RNF144A: variants seen among roughly 807,000 people sequenced by gnomAD.
RNF144A encodes the protein E3 ubiquitin-protein ligase RNF144A.
RNF144A carries 11 observed loss-of-function variants against 38.7 expected under a neutral mutation model. That is an observed-to-expected ratio of 0.28 (90% CI 0.18 to 0.47). The LOEUF is 0.47. Ranked by LOEUF, RNF144A falls within the 20% of genes least tolerant of loss-of-function variation. The probability of loss-of-function intolerance (pLI) is 0.99; values close to 1 mark genes in which losing one functional copy is unlikely to be tolerated. For missense variants in RNF144A, 316 were observed against 377.2 expected, an observed-to-expected ratio of 0.84 and a Z score of 1.34; for synonymous variants, 149 against 143.9, an observed-to-expected ratio of 1.04 and a Z score of -0.25.
chr2:7,007,513 CA>C (rs1670525104), intron 3 of RNF144A, among the ~76,000 whole-genome samples: 3 of 152,234 alleles, frequency 2.0e-5, no homozygotes, highest in Non-Finnish European at 1.5e-5. Flanking sequence ...ACACTCATTT[CA>C]CCTCCATTAA....
At chr2:6,957,838 A>G (rs539158435) in intron 2 of RNF144A, among the ~76,000 whole-genome samples, 13 of 152,320 alleles carry the variant, frequency 8.5e-5, no homozygotes, top group African/African-American at 3.1e-4. Context: ...TTCCAATCTT[A>G]GCACTCTATA....
downstream of RNF144A, among the ~76,000 whole-genome samples, chr2:7,046,573 A>T (rs115039740): frequency 1.3e-5 from 2 of 152,258 alleles, no homozygotes; most frequent in Non-Finnish European, 2.9e-5. Flanking sequence ...TAAGTTGCTC[A>T]TGCAGTTCCA....
At chr2:6,975,723 G>A (rs1179022838) in intron 2 of RNF144A, among the ~76,000 whole-genome samples, 1 of 152,188 alleles carries the variant, frequency 6.6e-6, no homozygotes, top group East Asian at 1.9e-4. Flanking sequence ...CTACTTGGGA[G>A]GCTGAGGTGG....
rs908846 is a variant in RNF144A, at chr2:6,962,436, C to T, written c.-12+21289C>T. 0.45 allele frequency among the ~76,000 whole-genome samples: 67,939 copies of T among 151,730 alleles called. 15,311 individuals carry two copies. Among genetic ancestry groups the T allele is most frequent in the Admixed American group, 0.51 (7,715 of 15,234 alleles). ...CTTATTTATGTTTGCAGCTCCATTT[C>T]TCAGGCTGTTCTTTGTTACAAGAGA... On this transcript the variant is annotated intron_variant, in intron 2 of 8. Transcript: ENST00000320892. The surrounding 1 kb of genome is among the most constrained non-coding windows in gnomAD (Gnocchi z 4.1).
chr2:7,069,595 T>C (rs889048227), downstream of RNF144A, among the ~76,000 whole-genome samples: 2 of 152,238 alleles, frequency 1.3e-5, no homozygotes, highest in Non-Finnish European at 2.9e-5. Context: ...CTGCCTCTTT[T>C]GTTCTTATTC....
In RNF144A at chr2:6,937,892, G is replaced by A. The variant is rs374985928; in HGVS notation, c.-211-3056G>A. Among the ~76,000 whole-genome samples, 13 of 152,320 alleles carry A rather than the reference G, an allele frequency of 8.5e-5. No homozygotes were observed. The East Asian group carries it at 1.7e-3, about 20-fold the overall frequency. On this transcript the variant is annotated intron_variant, in intron 1 of 8. Transcript: ENST00000320892. ...CAATGCTTGCTATTTTAGTAAAGGAGCAGTAACGAGGGAATATCTACCAAA... is the reference window on the plus strand; with the variant it reads ...CAATGCTTGCTATTTTAGTAAAGGAACAGTAACGAGGGAATATCTACCAAA...
At chr2:7,063,949 A>G in intron 6 of RNF144A, among the ~76,000 whole-genome samples, 1 of 152,206 alleles carries the variant, frequency 6.6e-6, no homozygotes, top group East Asian at 1.9e-4. Context: ...GGGGCTGGGA[A>G]GTCCAAGAGC....
At chr2:6,976,869 A>G (rs980913646) in intron 2 of RNF144A, among the ~76,000 whole-genome samples, 3 of 152,106 alleles carry the variant, frequency 2.0e-5, no homozygotes, top group Non-Finnish European at 4.4e-5. Flanking sequence ...ATGTCATTCT[A>G]TAATACATAT....
Position 7,014,574 on chromosome 2 carries a change from C to A in RNF144A, c.240+16C>A. The A allele has an allele frequency of 6.3e-7, 1 of 1,576,050 alleles. No homozygotes were observed. Among genetic ancestry groups the A allele is most frequent in the Non-Finnish European group, 8.7e-7 (1 of 1,154,486 alleles). Reference sequence around the variant, plus strand: ...GGAGAACGAGGCATGTGCAATTGAACAGACTGGGCTGTTTGATGTGCACAG... The same window carrying A: ...GGAGAACGAGGCATGTGCAATTGAAAAGACTGGGCTGTTTGATGTGCACAG... On this transcript the variant is annotated intron_variant, in intron 4 of 8. Coordinates refer to ENST00000320892, the MANE Select transcript of RNF144A (RefSeq NM_014746.6).
intron 2 of RNF144A, among the ~76,000 whole-genome samples, chr2:6,946,238 C>T (rs1366433608): frequency 6.6e-6 from 1 of 152,198 alleles, no homozygotes; most frequent in African/African-American, 2.4e-5. Context: ...AATATCGTGC[C>T]TGCTCTCAGA....
intron 6 of RNF144A, among the ~76,000 whole-genome samples, chr2:7,049,804 A>G (rs980495013): frequency 1.3e-5 from 2 of 152,198 alleles, no homozygotes; most frequent in Non-Finnish European, 2.9e-5. Context: ...GTTCCAACAA[A>G]GTGAGCTTCT....
At chr2:7,055,452 G>A (rs1572487855) in intron 6 of RNF144A, among the ~76,000 whole-genome samples, 2 of 152,066 alleles carry the variant, frequency 1.3e-5, no homozygotes, top group African/African-American at 2.4e-5. Context: ...TACTGACACC[G>A]CCATCCTCTC....
downstream of RNF144A, among the ~76,000 whole-genome samples, chr2:7,071,233 G>A (rs1674471723): frequency 6.6e-6 from 1 of 152,152 alleles, no homozygotes; most frequent in East Asian, 1.9e-4. Flanking sequence ...ACCGTGCCTG[G>A]CCTTTGCTGT....
At chr2:6,956,193 C>T (rs568449193) in intron 2 of RNF144A, among the ~76,000 whole-genome samples, 10 of 151,812 alleles carry the variant, frequency 6.6e-5, no homozygotes, top group Non-Finnish European at 1.0e-4. Context: ...GTCAGACACC[C>T]AGGAGTCCTG....
intron 2 of RNF144A, among the ~76,000 whole-genome samples, chr2:6,982,089 C>T (rs571368058): frequency 6.6e-6 from 1 of 152,262 alleles, no homozygotes; most frequent in South Asian, 2.1e-4. Flanking sequence ...AAACTGCCCC[C>T]CATGATCCAG....
chr2:7,030,219 G>A lies in RNF144A; in HGVS notation c.747+4G>A, dbSNP rs1672195866. ...TGTGATCTGGCATCGGACACAGGTA[G>A]GAGGTGATTTGCCTGGAAGGTTGAT... On this transcript the variant is annotated splice_donor_region_variant and intron_variant, in intron 8 of 8. Coordinates refer to ENST00000320892, the MANE Select transcript of RNF144A (RefSeq NM_014746.6). 6.2e-7 allele frequency: 1 copy of A among 1,606,800 alleles called. No homozygotes were observed. The highest frequency in any genetic ancestry group is 8.5e-7 in the Non-Finnish European group (1 of 1,173,964).
chr2:6,955,287 T>G (rs1666931384), intron 2 of RNF144A, among the ~76,000 whole-genome samples: 1 of 152,172 alleles, frequency 6.6e-6, no homozygotes, highest in Non-Finnish European at 1.5e-5. Flanking sequence ...GAAAAATAAA[T>G]AATAAAATTC....
intron 2 of RNF144A, among the ~76,000 whole-genome samples, chr2:6,978,398 G>A (rs1443582561): frequency 2.6e-5 from 4 of 152,204 alleles, no homozygotes; most frequent in African/African-American, 9.6e-5. Context: ...CTTCTAGACA[G>A]CCCATGTCTT....
At chr2:7,050,915 C>T (rs1365154194) in intron 6 of RNF144A, among the ~76,000 whole-genome samples, 1 of 152,206 alleles carries the variant, frequency 6.6e-6, no homozygotes, top group African/African-American at 2.4e-5. Flanking sequence ...CAAGGAGAAG[C>T]TCAGTGAGGC....
Sources: gnomAD v4.1 joint callset for allele counts (sites outside exome capture counted in the v4.1 genomes callset) on GRCh38, gnomAD v4.1.1 for gene constraint, Gnocchi (gnomAD v3.1) non-coding constraint, MANE v1.5 for transcripts, NCBI Gene and HGNC (gene_info 2026-07-23, HGNC 2026-07-21) for gene names.